Variants in ADGRB3 observed in about 807,000 individuals in gnomAD.
ADGRB3 encodes adhesion G protein-coupled receptor B3, also known as brain-specific angiogenesis inhibitor 3.
Under a neutral mutation model 193.4 loss-of-function variants are expected in ADGRB3, and 37 were observed. The ratio of observed to expected loss-of-function variants is 0.19; its 90% confidence interval spans 0.15 to 0.25. The LOEUF (loss-of-function observed/expected upper bound fraction) is 0.25, where lower values mean the gene tolerates loss of function less well. Among genes scored for constraint, ADGRB3 ranks in the 10% least tolerant of loss-of-function variants. The pLI is 1.00. For missense variants in ADGRB3, 1,637 were observed against 1,852.9 expected (o/e 0.88, Z 2.14); for synonymous variants, 690 against 644.2 (o/e 1.07, Z -1.08).
chr6:69,176,389 A>G (rs1775428911), intron 17 of ADGRB3, among the ~76,000 whole-genome samples: 2 of 152,318 alleles, frequency 1.3e-5, no homozygotes, highest in African/African-American at 2.4e-5. Context: ...GTCTATTGAG[A>G]TGATTATATG....
chr6:68,699,820 G>A (rs139218778), intron 3 of ADGRB3, among the ~76,000 whole-genome samples: 6 of 151,768 alleles, frequency 4.0e-5, no homozygotes, highest in African/African-American at 1.4e-4. Context: ...AGTAGGTGGG[G>A]GGCATGGACA....
At chr6:68,824,473 CTTCAAGGGTACAA>C (rs1767805473) in intron 3 of ADGRB3, among the ~76,000 whole-genome samples, 1 of 148,830 alleles carries the variant, frequency 6.7e-6, no homozygotes. Flanking sequence ...ATTTCAGTGA[CTTCAAGGGTACAA>C]TTCATCGGAT....
chr6:68,926,669 A>C (rs1364554197), intron 3 of ADGRB3, among the ~76,000 whole-genome samples: 12 of 152,074 alleles, frequency 7.9e-5, no homozygotes, highest in Non-Finnish European at 4.4e-5. Flanking sequence ...TACAGTAATG[A>C]CTCTTATCTC....
chr6:69,290,181 T>G (rs539148560), intron 20 of ADGRB3, among the ~76,000 whole-genome samples: 5 of 152,226 alleles, frequency 3.3e-5, no homozygotes, highest in African/African-American at 9.6e-5. Context: ...TGAGTGATTA[T>G]AGACCCTTCC....
chr6:68,730,094 A>C (rs1415579342), intron 3 of ADGRB3, among the ~76,000 whole-genome samples: 1 of 151,686 alleles, frequency 6.6e-6, no homozygotes, highest in East Asian at 1.9e-4. Flanking sequence ...GGTCTTACTC[A>C]TTTTTATATT....
In ADGRB3 at chr6:69,290,207, C is replaced by A. The variant is rs117301069; in HGVS notation, c.2815-34665C>A. ...AGACCCTTCCCTGGAGAAAATCAGA[C>A]AGTAACCGGCCATTGAAATATAAAA... On this transcript the variant is annotated intron_variant, in intron 20 of 31. Coordinates refer to ENST00000370598, the MANE Select transcript of ADGRB3 (RefSeq NM_001704.3). 2.0e-3 allele frequency among the ~76,000 whole-genome samples: 297 copies of A among 152,216 alleles called. 1 individual carries two copies. In the East Asian group the frequency reaches 0.025, roughly 13 times the overall value.
At chr6:69,086,756 A>G (rs370260843) in intron 17 of ADGRB3, among the ~76,000 whole-genome samples, 87 of 152,286 alleles carry the variant, frequency 5.7e-4, no homozygotes, top group African/African-American at 1.9e-3. Flanking sequence ...GATTAGACAT[A>G]TATCATTATG....
intron 6 of ADGRB3, among the ~76,000 whole-genome samples, chr6:68,946,785 C>T (rs981355470): frequency 1.3e-5 from 2 of 152,010 alleles, no homozygotes; most frequent in African/African-American, 4.8e-5. Flanking sequence ...GCATTATAGT[C>T]GTAAAGCTTC....
At chr6:68,939,067 C>T (rs1390200678) in intron 5 of ADGRB3, among the ~76,000 whole-genome samples, 7 of 152,080 alleles carry the variant, frequency 4.6e-5, no homozygotes. Context: ...AGTTGCCTTC[C>T]TTCTACCAGA....
intron 3 of ADGRB3, among the ~76,000 whole-genome samples, chr6:68,644,622 A>T (rs1174933226): frequency 6.6e-6 from 1 of 152,178 alleles, no homozygotes; most frequent in East Asian, 1.9e-4. Context: ...ACTCTTGATT[A>T]TGATCTATGT....
intron 17 of ADGRB3, among the ~76,000 whole-genome samples, chr6:69,095,350 A>G (rs942104527): frequency 7.2e-6 from 1 of 138,116 alleles, no homozygotes; most frequent in Non-Finnish European, 1.6e-5. Flanking sequence ...TTTTGTAAAG[A>G]TAGAGTGCTC....
chr6:68,976,977 A>G (rs1402601306), intron 10 of ADGRB3, among the ~76,000 whole-genome samples: 1 of 149,422 alleles, frequency 6.7e-6, no homozygotes. Context: ...TCACATAAAC[A>G]TAAAGTTTTA....
At chr6:69,191,139 C>G (rs374955527) in intron 17 of ADGRB3, among the ~76,000 whole-genome samples, 15 of 152,168 alleles carry the variant, frequency 9.9e-5, no homozygotes, top group East Asian at 7.7e-4. Context: ...TTGGCAGCCT[C>G]CAAATATTAT....
chr6:68,858,969 G>A (rs1271805406), intron 3 of ADGRB3, among the ~76,000 whole-genome samples: 2 of 152,178 alleles, frequency 1.3e-5, no homozygotes, highest in Non-Finnish European at 1.5e-5. Context: ...GCAAATTTAT[G>A]TAGCCAGCTT....
intron 24 of ADGRB3, among the ~76,000 whole-genome samples, chr6:69,334,227 T>G (rs1195037600): frequency 6.6e-6 from 1 of 152,032 alleles, no homozygotes; most frequent in Non-Finnish European, 1.5e-5. Context: ...TGTAATATTC[T>G]TTTCTTCCAT....
At chr6:69,330,874 T>C (rs2127313556) in intron 23 of ADGRB3, among the ~76,000 whole-genome samples, 1 of 152,352 alleles carries the variant, frequency 6.6e-6, no homozygotes, top group Non-Finnish European at 1.5e-5. Flanking sequence ...TAGAATCTCA[T>C]CATTTACCAT....
At chr6:68,746,083 T>G (rs1766078040) in intron 3 of ADGRB3, among the ~76,000 whole-genome samples, 1 of 152,116 alleles carries the variant, frequency 6.6e-6, no homozygotes, top group Non-Finnish European at 1.5e-5. Flanking sequence ...ATTTACATTT[T>G]TTCCCATTTT....
intron 26 of ADGRB3, among the ~76,000 whole-genome samples, chr6:69,351,383 C>T (rs1369900951): frequency 1.3e-5 from 2 of 152,030 alleles, no homozygotes; most frequent in African/African-American, 2.4e-5. Context: ...TGAGCCACCA[C>T]GCCCTGCCCC....
intron 3 of ADGRB3, among the ~76,000 whole-genome samples, chr6:68,770,748 G>A (rs1766601773): frequency 1.3e-5 from 2 of 152,106 alleles, no homozygotes; most frequent in Admixed American, 1.3e-4. Context: ...TGAGGTTTGA[G>A]GTGGGGCTAA....
Sources: gnomAD v4.1 joint callset for allele counts (sites outside exome capture counted in the v4.1 genomes callset) on GRCh38, gnomAD v4.1.1 for gene constraint, MANE v1.5 for transcripts, NCBI Gene and HGNC (gene_info 2026-07-23, HGNC 2026-07-21) for gene names.